Variants in URI1 observed in about 807,000 individuals in gnomAD.
The protein encoded by URI1 is URI1 prefoldin like chaperone.
URI1 carries 39 observed loss-of-function variants against 60.2 expected under a neutral mutation model. The observed-to-expected ratio is 0.65, with a 90% confidence interval of 0.50 to 0.85. The LOEUF (loss-of-function observed/expected upper bound fraction) is 0.85, where lower values mean the gene tolerates loss of function less well. Ranked by LOEUF, URI1 falls within the 40% of genes least tolerant of loss-of-function variation. URI1 has a pLI of 0.00. For missense variants in URI1, 691 were observed against 665.9 expected (o/e 1.04, Z -0.42); for synonymous variants, 251 against 236.8 (o/e 1.06, Z -0.55).
rs1450769941 is a variant in URI1, at chr19:30,015,294, C to G, written c.*225C>G. 4 of 1,417,262 alleles carry G rather than the reference C, an allele frequency of 2.8e-6. No homozygotes were observed. The highest frequency in any genetic ancestry group is 1.4e-5 in the African/African-American group (1 of 69,420). The allele number at this position is 1,417,262 out of a possible 1,614,324, so 87.8% of individuals were successfully genotyped here. ...GAATTCTCTGAATACTGTCAACACT[C>G]TTATCTAAGTTTGCCTTTATGATGC... On this transcript the variant is annotated 3_prime_UTR_variant, in exon 11 of 11. Coordinates refer to ENST00000392271, the MANE Select transcript of URI1 (RefSeq NM_003796.3).
At chr19:29,940,542 A>T (rs368913954), upstream of URI1, among the ~76,000 whole-genome samples, 1 of 152,070 alleles carries the variant, frequency 6.6e-6, no homozygotes, top group African/African-American at 2.4e-5. Context: ...CCAGCTACTC[A>T]GGAGGCTGAG....
At chr19:29,950,429 T>C (rs1336432391) in intron 1 of URI1, among the ~76,000 whole-genome samples, 3 of 152,168 alleles carry the variant, frequency 2.0e-5, no homozygotes, top group East Asian at 1.9e-4. Flanking sequence ...TATGCAATTT[T>C]CCCCCCTTAA....
In URI1 at chr19:30,015,004, G is replaced by C. The variant is rs750090894; in HGVS notation, c.1543G>C (p.Ala515Pro). The C allele has an allele frequency of 1.2e-6, 2 of 1,613,850 alleles. No homozygotes were observed. Among genetic ancestry groups the C allele is most frequent in the African/African-American group, 2.7e-5 (2 of 75,044 alleles). Residue 515 changes from alanine (A) to proline (P), a missense_variant, in exon 11 of 11, where the codon GCA (alanine) becomes CCA (proline). By Grantham distance (27) the Ala-to-Pro change is conservative. Coordinates refer to ENST00000392271, the MANE Select transcript of URI1 (RefSeq NM_003796.3). ...IPERKEVLLE[A>P]SEETGKRVSK... Reference sequence around the variant, plus strand: ...AGAACGAAAGGAAGTTCTGTTGGAAGCATCTGAAGAAACTGGAAAGAGGGT... The same window carrying C: ...AGAACGAAAGGAAGTTCTGTTGGAACCATCTGAAGAAACTGGAAAGAGGGT...
rs573259208 is a variant in URI1 at position 29,949,922 on chromosome 19, G to A, written c.117+7258G>A. ...ATGGAGACAGAGGGAGAGGGAGACT[G>A]TGGGGAGACGGGAGGGGGAGGGGGA... is the stretch of plus-strand genomic sequence containing the variant. On this transcript the variant is annotated intron_variant, in intron 1 of 10. Coordinates refer to ENST00000392271, the MANE Select transcript of URI1 (RefSeq NM_003796.3). Among the ~76,000 whole-genome samples, 4 of 150,070 alleles carry A rather than the reference G, an allele frequency of 2.7e-5. No individual in the cohort carries two copies. In the East Asian group the frequency reaches 7.8e-4, roughly 29 times the overall value.
intron 2 of URI1, among the ~76,000 whole-genome samples, chr19:29,980,582 GAA>G (rs2055580611): frequency 8.9e-6 from 1 of 112,342 alleles, no homozygotes; most frequent in Non-Finnish European, 1.7e-5. Context: ...TTAGGTAGAG[GAA>G]AAGAGAGTGA....
intron 1 of URI1, among the ~76,000 whole-genome samples, chr19:29,946,386 A>G (rs1001492133): frequency 1.1e-4 from 16 of 152,146 alleles, no homozygotes; most frequent in African/African-American, 3.6e-4. Context: ...AGATACCTGT[A>G]TTTTATCTCT....
In URI1 at chr19:29,942,248, G is replaced by C; in HGVS notation, c.-300G>C. 2 of 984,758 alleles carry C rather than the reference G, an allele frequency of 2.0e-6. No homozygotes were observed. Among genetic ancestry groups the C allele is most frequent in the Middle Eastern group, 5.2e-4 (1 of 1,910 alleles). The allele number at this position is 984,758 out of a possible 1,614,324, so 61.0% of individuals were successfully genotyped here. A position where few individuals can be genotyped will look rare whatever the true frequency, so the allele number is the denominator to read the frequency against. On this transcript the variant is annotated 5_prime_UTR_variant, in exon 1 of 11. Transcript: ENST00000392271. Reference sequence around the variant, plus strand: ...CCGCGAGAGGCGGGGCGTGTGGGGAGGCGCGGCCGCCACGCGACGCCTGGC... The same window carrying C: ...CCGCGAGAGGCGGGGCGTGTGGGGACGCGCGGCCGCCACGCGACGCCTGGC...
chr19:29,933,594 G>A (rs2054941462), intron 1 of URI1, among the ~76,000 whole-genome samples: 2 of 152,090 alleles, frequency 1.3e-5, no homozygotes, highest in South Asian at 4.2e-4. Context: ...GCTGAGGTGG[G>A]TGGATTGCCT....
chr19:29,990,270 A>G (rs557187166), intron 4 of URI1, among the ~76,000 whole-genome samples: 7 of 152,348 alleles, frequency 4.6e-5, no homozygotes, highest in Admixed American at 2.0e-4. Context: ...ATGTGAAAAA[A>G]TTGGAACCCT....
At position 29,985,280 on chromosome 19, in the gene URI1, T is replaced by A; in HGVS notation, c.210T>A (p.Asp70Glu). ...GAGAAAGACTCAGCACCTTGCCTGATAAATTGTCTTATAATATAATGGTAT... is the reference window on the plus strand; with the variant it reads ...GAGAAAGACTCAGCACCTTGCCTGAAAAATTGTCTTATAATATAATGGTAT... ...ALRERLSTLP[D>E]KLSYNIMVPF... is the part of the protein sequence containing the mutation. The change falls in exon 3 of 11, where the codon GAT becomes GAA. Residue 70 changes from aspartate to glutamate, a missense_variant. Asp to Glu is a conservative substitution (Grantham distance 45). Transcript: ENST00000392271. 1 of 1,610,932 alleles carries A rather than the reference T, an allele frequency of 6.2e-7. No homozygotes were observed. The highest frequency in any genetic ancestry group is 2.2e-5 in the East Asian group (1 of 44,776).
chr19:29,998,496 G>A (rs2055839946), intron 4 of URI1, among the ~76,000 whole-genome samples: 1 of 152,078 alleles, frequency 6.6e-6, no homozygotes, highest in African/African-American at 2.4e-5. Flanking sequence ...TTTGAGCTCT[G>A]TTAGGTATGT....
At chr19:29,923,678 A>AACC in exon 1 of URI1, 1 of 1,536,386 alleles carries the variant, frequency 6.5e-7, no homozygotes, top group South Asian at 1.2e-5. Context: ...GGCTCCTTGG[A>AACC]GGTCACTGCC....
chr19:30,001,525 G>A (rs1470801817), intron 4 of URI1, among the ~76,000 whole-genome samples: 1 of 151,780 alleles, frequency 6.6e-6, no homozygotes, highest in Admixed American at 6.6e-5. Context: ...ACTCTAAGCT[G>A]TGAATCTTTT....
At chr19:29,951,652 C>T (rs997075489) in intron 1 of URI1, among the ~76,000 whole-genome samples, 2 of 151,668 alleles carry the variant, frequency 1.3e-5, no homozygotes, top group African/African-American at 4.8e-5. Flanking sequence ...GTTCGAGTGA[C>T]TCTCCTGCCT....
At chr19:29,969,659 A>G (rs187943070) in intron 1 of URI1, among the ~76,000 whole-genome samples, 1 of 152,278 alleles carries the variant, frequency 6.6e-6, no homozygotes, top group East Asian at 1.9e-4. Flanking sequence ...ATGCTTGGAA[A>G]CACATGCATT....
chr19:29,980,441 G>A (rs1331960570), intron 2 of URI1: 5 of 151,464 alleles, frequency 3.3e-5, no homozygotes, highest in South Asian at 2.1e-4. Context: ...CGTTTTTATC[G>A]TTTCTTAAAT....
chr19:30,007,232 C>G (rs1386366506), intron 6 of URI1, among the ~76,000 whole-genome samples: 1 of 151,940 alleles, frequency 6.6e-6, no homozygotes, highest in African/African-American at 2.4e-5. Context: ...CTAGGGTGTC[C>G]TTAGAGCTTA....
At chr19:30,007,780 C>T (rs2055963984) in intron 7 of URI1, 142 bp downstream of exon 7, 3 of 695,886 alleles carry the variant, frequency 4.3e-6, no homozygotes, top group Non-Finnish European at 6.6e-6. Flanking sequence ...AATCCTTTCA[C>T]CTCAAGATGA....
In URI1 at chr19:30,016,386, C is replaced by T. The variant is rs2056085871; in HGVS notation, c.*1317C>T. 1 of 152,028 alleles carries T rather than the reference C, an allele frequency of 6.6e-6. No individual in the cohort carries two copies. Among genetic ancestry groups the T allele is most frequent in the Admixed American group, 6.6e-5 (1 of 15,258 alleles). 9.4% of individuals were successfully genotyped at this position (152,028 alleles called of 1,614,324 possible). A position where few individuals can be genotyped will look rare whatever the true frequency, so the allele number is the denominator to read the frequency against. ...CTTTAGTAAATTTAGATCAACTATG[C>T]ATATATTTTGTAGGTAAATCTTTCA... is the stretch of plus-strand genomic sequence containing the variant. On this transcript the variant is annotated 3_prime_UTR_variant, in exon 11 of 11. Transcript: ENST00000392271.
Sources: gnomAD v4.1 joint callset for allele counts (sites outside exome capture counted in the v4.1 genomes callset) on GRCh38, gnomAD v4.1.1 for gene constraint, MANE v1.5 for transcripts, NCBI Gene and HGNC (gene_info 2026-07-23, HGNC 2026-07-21) for gene names.